Variants in CDH2 observed in about 807,000 individuals in gnomAD.
CDH2 encodes the protein cadherin-2.
CDH2 carries 17 observed loss-of-function variants against 92.0 expected under a neutral mutation model. The observed-to-expected ratio is 0.18, with a 90% CI of 0.13 to 0.28. The LOEUF is 0.28. CDH2 is among the 10% of genes least tolerant of loss of function. The pLI, the probability that CDH2 is intolerant of heterozygous loss-of-function variation, is 1.00. For synonymous variants in CDH2, 419 were observed against 415.9 expected (o/e 1.01, Z -0.09); for missense variants, 862 against 1,133.1 (o/e 0.76, Z 3.44).
At chr18:28,047,868 C>CAAAAAAA (rs149752979) in intron 2 of CDH2, among the ~76,000 whole-genome samples, 5 of 46,940 alleles carry the variant, frequency 1.1e-4, no homozygotes, top group Non-Finnish European at 1.5e-4. Context: ...GACTCCATCT[C>CAAAAAAA]AAAAAAAAAA....
At chr18:28,033,978 A>G (rs920104882) in intron 2 of CDH2, among the ~76,000 whole-genome samples, 3 of 152,080 alleles carry the variant, frequency 2.0e-5, no homozygotes, top group Non-Finnish European at 4.4e-5. Context: ...TTTATACTCA[A>G]TTGAGCCATA....
chr18:27,961,399 A>G (rs1446537750), intron 15 of CDH2, among the ~76,000 whole-genome samples: 1 of 152,070 alleles, frequency 6.6e-6, no homozygotes, highest in Admixed American at 6.6e-5. Context: ...CCCGAGGGGC[A>G]ACTTGTTATC....
downstream of CDH2, among the ~76,000 whole-genome samples, chr18:27,946,300 GAAT>G (rs746520969): frequency 1.1e-4 from 17 of 151,618 alleles, no homozygotes; most frequent in Admixed American, 9.2e-4. Context: ...TCTCTTAATA[GAAT>G]AATAATATTT....
At chr18:28,027,084 C>T (rs17522680) in intron 2 of CDH2, among the ~76,000 whole-genome samples, 1,888 of 152,124 alleles carry the variant, frequency 0.012, 37 homozygotes, top group African/African-American at 0.042. Flanking sequence ...AGTGAACCAC[C>T]CCCATGGAGA....
chr18:28,010,790 C>T (rs1394966777), intron 4 of CDH2, among the ~76,000 whole-genome samples: 2 of 151,840 alleles, frequency 1.3e-5, no homozygotes, highest in East Asian at 1.9e-4. Context: ...CTGCCTCAGC[C>T]TCCCGAGTAG....
chr18:28,053,124 C>A (rs550702735), intron 2 of CDH2, among the ~76,000 whole-genome samples: 1 of 152,126 alleles, frequency 6.6e-6, no homozygotes, highest in Admixed American at 6.6e-5. Context: ...TGATCTCAGA[C>A]TTCCAGCCTT....
chr18:28,146,608 A>T (rs537406592), intron 2 of CDH2: 1 of 152,234 alleles, frequency 6.6e-6, no homozygotes, highest in East Asian at 1.9e-4. Flanking sequence ...ATAGAAATTA[A>T]AATAAAATGT....
At chr18:27,958,771 A>C (rs1158647490) in intron 15 of CDH2, among the ~76,000 whole-genome samples, 1 of 152,130 alleles carries the variant, frequency 6.6e-6, no homozygotes, top group Non-Finnish European at 1.5e-5. Flanking sequence ...GAGGTAATTG[A>C]ATCATGGGGA....
Position 27,990,565 on chromosome 18 carries a change from A to G in CDH2, c.1345-215T>C, listed in dbSNP as rs4800837. Among the ~76,000 whole-genome samples the G allele has an allele frequency of 0.17, 25,466 of 152,234 alleles. 2,438 individuals are homozygous for G. Among genetic ancestry groups the G allele is most frequent in the South Asian group, 0.32 (1,557 of 4,822 alleles). On this transcript the variant is annotated intron_variant, in intron 9 of 15. Coordinates refer to ENST00000269141, the MANE Select transcript of CDH2 (RefSeq NM_001792.5). The stretch of plus-strand genomic sequence containing the variant: ...TAATTATAAATCTTGAGTACTTAAA[A>G]GATTTATGTTCACAAAACAGTGCAC...
chr18:28,013,247 C>T (rs1006817420), intron 3 of CDH2, among the ~76,000 whole-genome samples: 3 of 152,068 alleles, frequency 2.0e-5, no homozygotes, highest in African/African-American at 7.2e-5. Flanking sequence ...TCATACCCCC[C>T]AACTGGATTA....
chr18:28,036,658 G>C, intron 2 of CDH2: 2 of 757,856 alleles, frequency 2.6e-6, no homozygotes, highest in Non-Finnish European at 4.4e-6. Context: ...CGGAAATGCC[G>C]ATGCAGCTTT....
At chr18:28,060,241 T>C (rs2014375788) in intron 2 of CDH2, among the ~76,000 whole-genome samples, 1 of 152,128 alleles carries the variant, frequency 6.6e-6, no homozygotes, top group East Asian at 1.9e-4. Context: ...ATCTGGAGTG[T>C]AGTGGCACAA....
rs975906730 is a variant in CDH2 at position 28,162,534 on chromosome 18, T to C, written c.60+14429A>G. Among the ~76,000 whole-genome samples the C allele has an allele frequency of 3.9e-5, 6 of 152,092 alleles. 1 individual carries two copies. The highest frequency in any genetic ancestry group is 3.9e-4 in the Admixed American group (6 of 15,262). On this transcript the variant is annotated intron_variant, in intron 1 of 15. Coordinates refer to ENST00000269141, the MANE Select transcript of CDH2 (RefSeq NM_001792.5). ...AACTGCCTGCTTCTTTGGTAGCCTA[T>C]CCTGCATCTGGCTCAATCTGTTAGA...
chr18:27,981,799 C>T (rs1044132262), intron 14 of CDH2, among the ~76,000 whole-genome samples: 3 of 152,136 alleles, frequency 2.0e-5, no homozygotes, highest in African/African-American at 4.8e-5. Context: ...TAAGAGAGTA[C>T]ATTTTAACTT....
intron 2 of CDH2, among the ~76,000 whole-genome samples, chr18:28,031,398 T>G (rs755469722): frequency 6.6e-6 from 1 of 152,098 alleles, no homozygotes; most frequent in African/African-American, 2.4e-5. Context: ...AAGTCATAGA[T>G]AGAAGACTCT....
Position 28,177,088 on chromosome 18 carries a change from G to T in CDH2, c.-66C>A. On this transcript the variant is annotated 5_prime_UTR_variant, in exon 1 of 16. Coordinates refer to ENST00000269141, the MANE Select transcript of CDH2 (RefSeq NM_001792.5). ...CGGCGGCGGCGGCGGCGGCGGAGGA[G>T]GAGGAGGCAGCGGCAGCACCAACAG... 1 of 1,268,242 alleles carries T rather than the reference G, an allele frequency of 7.9e-7. No individual in the cohort carries two copies. The highest frequency in any genetic ancestry group is 1.1e-6 in the Non-Finnish European group (1 of 928,508). 78.6% of individuals were successfully genotyped at this position (1,268,242 alleles called of 1,614,324 possible).
chr18:28,003,204 C>T lies in CDH2; in HGVS notation c.848-35G>A, dbSNP rs1231854312. 4.5e-6 allele frequency: 7 copies of T among 1,549,268 alleles called. No homozygotes were observed. The South Asian group carries it at 6.9e-5, about 15-fold the overall frequency. ...GTGTACATGGAAAATGAATGGTTACCCTTCATTCCAGGGACCCCAAAATAG... is the reference window on the plus strand; with the variant it reads ...GTGTACATGGAAAATGAATGGTTACTCTTCATTCCAGGGACCCCAAAATAG... On this transcript the variant is annotated intron_variant, in intron 6 of 15. Coordinates refer to ENST00000269141, the MANE Select transcript of CDH2 (RefSeq NM_001792.5).
intron 2 of CDH2, among the ~76,000 whole-genome samples, chr18:28,087,606 C>T (rs543705978): frequency 1.3e-5 from 2 of 152,104 alleles, no homozygotes; most frequent in African/African-American, 4.8e-5. Context: ...AAAAATAACC[C>T]TTGTCTCCAC....
intron 2 of CDH2, among the ~76,000 whole-genome samples, chr18:28,042,575 G>C (rs17493989): frequency 6.6e-6 from 1 of 152,052 alleles, no homozygotes; most frequent in Non-Finnish European, 1.5e-5. Flanking sequence ...GCACTTACTG[G>C]GTACCTATTA....
Sources: gnomAD v4.1 joint callset for allele counts (sites outside exome capture counted in the v4.1 genomes callset) on GRCh38, gnomAD v4.1.1 for gene constraint, MANE v1.5 for transcripts, NCBI Gene and HGNC (gene_info 2026-07-23, HGNC 2026-07-21) for gene names.